Variants in LRP2BP observed in about 807,000 individuals in gnomAD.
LRP2BP encodes the protein LRP2-binding protein.
LRP2BP carries 38 observed loss-of-function variants against 45.2 expected under a neutral mutation model. The ratio of observed to expected loss-of-function variants is 0.84; its 90% CI spans 0.65 to 1.10. The LOEUF (loss-of-function observed/expected upper bound fraction) is 1.10, where lower values mean the gene tolerates loss of function less well. Ranked by LOEUF, LRP2BP falls within the 50% of genes least tolerant of loss-of-function variation. The pLI, the probability that LRP2BP is intolerant of heterozygous loss-of-function variation, is 0.00. For missense variants in LRP2BP, 385 were observed against 418.9 expected, an observed-to-expected ratio of 0.92 and a Z score of 0.71; for synonymous variants, 153 against 153.9, an observed-to-expected ratio of 0.99 and a Z score of 0.04.
At chr4:185,396,965 C>T (rs1392930901), upstream of LRP2BP, 2 of 1,612,628 alleles carry the variant, frequency 1.2e-6, no homozygotes, top group Non-Finnish European at 1.7e-6. Flanking sequence ...GATTCGGGCT[C>T]ACAGAGCCCG....
chr4:185,392,682 G>A (rs184090101), intron 1 of LRP2BP, among the ~76,000 whole-genome samples: 24 of 151,808 alleles, frequency 1.6e-4, no homozygotes, highest in African/African-American at 5.6e-4. Flanking sequence ...TGTCATATTT[G>A]GAATATTATC....
intron 1 of LRP2BP, among the ~76,000 whole-genome samples, chr4:185,393,944 G>A (rs2095495087): frequency 6.6e-6 from 1 of 152,092 alleles, no homozygotes; most frequent in African/African-American, 2.4e-5. Flanking sequence ...TTTTTCTATG[G>A]ATTACAATAA....
At chr4:185,396,823 C>G, upstream of LRP2BP, 3 of 1,309,296 alleles carry the variant, frequency 2.3e-6, no homozygotes, top group Non-Finnish European at 3.3e-6. Flanking sequence ...TTAAATTCTC[C>G]CGTGCTAGGG....
intron 1 of LRP2BP, among the ~76,000 whole-genome samples, chr4:185,385,369 T>C (rs945828617): frequency 6.6e-6 from 1 of 152,104 alleles, no homozygotes; most frequent in Non-Finnish European, 1.5e-5. Context: ...TATGTGATAA[T>C]TGCTCATCAC....
intron 1 of LRP2BP, among the ~76,000 whole-genome samples, chr4:185,383,170 G>A (rs1423199432): frequency 1.3e-5 from 2 of 152,182 alleles, no homozygotes; most frequent in Non-Finnish European, 2.9e-5. Context: ...TTTGTGCTCT[G>A]AACCATCTAA....
At position 185,366,653 on chromosome 4, in the gene LRP2BP, C is replaced by T. The variant is rs149159741; in HGVS notation, c.*527G>A. ...TATTTAAGTTTAATTCTTTAAATGT[C>T]TTTTACCCTTAGTTTTGTGAAATTT... On this transcript the variant is annotated 3_prime_UTR_variant, in exon 9 of 9. Transcript: ENST00000505916. 28 of 152,186 alleles carry T rather than the reference C, an allele frequency of 1.8e-4. No individual in the cohort carries two copies. The highest frequency in any genetic ancestry group is 6.5e-4 in the African/African-American group (27 of 41,524). The allele number at this position is 152,186 out of a possible 1,614,324, so 9.4% of individuals were successfully genotyped here. A position where few individuals can be genotyped will look rare whatever the true frequency, so the allele number is the denominator to read the frequency against.
upstream of LRP2BP, chr4:185,395,929 A>C (rs2095501079): frequency 1.0e-6 from 1 of 984,754 alleles, no homozygotes; most frequent in African/African-American, 1.7e-5. Context: ...GAGTCTAGGG[A>C]GCAGCTCTGA....
rs770634290 is a variant in LRP2BP at position 185,378,108 on chromosome 4, A to C, written c.79T>G (p.Phe27Val). The part of the protein sequence containing the change: ...VSQYAAKNQK[F>V]FQWKKEKTDY... ...GTCTTTTCCTTTTTCCACTGGAAAA[A>C]TTTTTGGTTTTTAGCAGCATACTGA... The change falls in exon 2 of 9, where the codon TTT becomes GTT. Residue 27 changes from phenylalanine (F) to valine (V), a missense_variant. Transcript: ENST00000505916. 5 of 1,613,722 alleles carry C rather than the reference A, an allele frequency of 3.1e-6. No homozygotes were observed. In the South Asian group the frequency reaches 5.5e-5, roughly 18 times the overall value.
At chr4:185,396,708 G>C (rs1239109361), upstream of LRP2BP, 1 of 579,352 alleles carries the variant, frequency 1.7e-6, no homozygotes, top group East Asian at 2.9e-5. Context: ...ACGTGCGGCC[G>C]TGGCGGGGCT....
chr4:185,376,833 C>T (rs2095439677), intron 3 of LRP2BP, 76 bp downstream of exon 3: 2 of 994,648 alleles, frequency 2.0e-6, no homozygotes, highest in African/African-American at 1.6e-5. Context: ...CAGTAAGAAA[C>T]TCTACATGAA....
chr4:185,369,903 G>T, intron 8 of LRP2BP: 1 of 316,430 alleles, frequency 3.2e-6, no homozygotes. Context: ...GTCAGCCAAG[G>T]GACTCAGAAG....
intron 1 of LRP2BP, 24 bp downstream of exon 1, chr4:185,394,755 T>A: frequency 2.0e-6 from 2 of 985,310 alleles, no homozygotes; most frequent in African/African-American, 1.7e-5. Flanking sequence ...AGCCCACACA[T>A]CTCTCATCTA....
At chr4:185,378,788 G>A in intron 1 of LRP2BP, 1 of 985,466 alleles carries the variant, frequency 1.0e-6, no homozygotes, top group Non-Finnish European at 1.2e-6. Flanking sequence ...GGGTGAAGGA[G>A]TCCAGGTTGG....
chr4:185,371,457 G>A (rs1057098022), intron 7 of LRP2BP, among the ~76,000 whole-genome samples: 1 of 151,318 alleles, frequency 6.6e-6, no homozygotes, highest in African/African-American at 2.4e-5. Context: ...CAGGAGAATG[G>A]CGTGAACCCG....
Position 185,395,169 on chromosome 4 carries a change from T to C in LRP2BP, c.-412A>G, listed in dbSNP as rs2095498537. The C allele has an allele frequency of 1.0e-5, 10 of 985,298 alleles. No homozygotes were observed. Among genetic ancestry groups the C allele is most frequent in the Non-Finnish European group, 1.1e-5 (9 of 829,934 alleles). 61.0% of individuals were successfully genotyped at this position (985,298 alleles called of 1,614,324 possible). A position where few individuals can be genotyped will look rare whatever the true frequency, so the allele number is the denominator to read the frequency against. ...AGAAAAGCTGTAACGACTCCCCAAA[T>C]TTCCTTTCCTTATGAAATTTACGTA... On this transcript the variant is annotated 5_prime_UTR_variant, in exon 1 of 9. Transcript: ENST00000505916.
At chr4:185,370,371 G>T (rs2095410807) in intron 8 of LRP2BP, among the ~76,000 whole-genome samples, 1 of 152,126 alleles carries the variant, frequency 6.6e-6, no homozygotes, top group Non-Finnish European at 1.5e-5. Flanking sequence ...TAAGGTCTTG[G>T]TGCTGGGCCT....
intron 3 of LRP2BP, 147 bp downstream of exon 3, chr4:185,376,762 T>C (rs906023154): frequency 4.9e-6 from 3 of 606,760 alleles, no homozygotes; most frequent in Non-Finnish European, 8.7e-6. Context: ...CAGCACTGTA[T>C]CCTACTGTTA....
intron 6 of LRP2BP, among the ~76,000 whole-genome samples, chr4:185,373,518 C>T (rs539097704): frequency 6.6e-6 from 1 of 152,302 alleles, no homozygotes; most frequent in Non-Finnish European, 1.5e-5. Context: ...CCAGGATAAA[C>T]GCTGTATGTA....
intron 7 of LRP2BP, among the ~76,000 whole-genome samples, chr4:185,372,486 G>T (rs2095419245): frequency 6.6e-6 from 1 of 152,214 alleles, no homozygotes; most frequent in Non-Finnish European, 1.5e-5. Flanking sequence ...GAAGGATTTG[G>T]CATAGAACAT....
Sources: gnomAD v4.1 joint callset for allele counts (sites outside exome capture counted in the v4.1 genomes callset) on GRCh38, gnomAD v4.1.1 for gene constraint, MANE v1.5 for transcripts, NCBI Gene and HGNC (gene_info 2026-07-23, HGNC 2026-07-21) for gene names.